Variants in PDE8B observed in about 807,000 individuals in gnomAD.
The protein encoded by PDE8B is high affinity cAMP-specific and IBMX-insensitive 3',5'-cyclic phosphodiesterase 8B.
In PDE8B, 26 loss-of-function variants were observed where a neutral mutation model predicts 101.3. That is an observed-to-expected ratio of 0.26 (90% CI 0.19 to 0.36). The LOEUF (loss-of-function observed/expected upper bound fraction) is 0.36. Among genes scored for constraint, PDE8B ranks in the 10% least tolerant of loss-of-function variants. The pLI, the probability that PDE8B is intolerant of heterozygous loss-of-function variation, is 1.00. For missense variants in PDE8B, 810 were observed against 1,163.1 expected (o/e 0.70, Z 4.42); for synonymous variants, 424 against 429.3 (o/e 0.99, Z 0.15).
At chr5:77,272,252 C>T (rs959671742) in intron 1 of PDE8B, among the ~76,000 whole-genome samples, 6 of 152,224 alleles carry the variant, frequency 3.9e-5, no homozygotes, top group Admixed American at 3.3e-4. Flanking sequence ...TATTAGTTCA[C>T]AGGTTATGGC....
At chr5:77,395,989 G>T (rs1581463395) in intron 10 of PDE8B, among the ~76,000 whole-genome samples, 1 of 152,228 alleles carries the variant, frequency 6.6e-6, no homozygotes, top group East Asian at 1.9e-4. Context: ...CCTCCCATGT[G>T]TCTGGATCAC....
At chr5:77,113,958 G>C in the PDE8B span, 1 of 152,282 alleles carries the variant, frequency 6.6e-6, no homozygotes, top group Non-Finnish European at 1.5e-5. Context: ...CAAAACCATA[G>C]TGAGATACCA....
chr5:77,285,092 G>T (rs561626631), intron 1 of PDE8B, among the ~76,000 whole-genome samples: 8 of 152,246 alleles, frequency 5.3e-5, no homozygotes, highest in Middle Eastern at 3.4e-3. Flanking sequence ...AAGTGTCCCA[G>T]TTTGGCTAAT....
Position 77,352,698 on chromosome 5 carries a change from T to C in PDE8B, c.1107-648T>C, listed in dbSNP as rs187165970. Among the ~76,000 whole-genome samples, 18 of 152,296 alleles carry C rather than the reference T, an allele frequency of 1.2e-4. No homozygotes were observed. In the South Asian group the frequency reaches 2.5e-3, roughly 21 times the overall value. On this transcript the variant is annotated intron_variant, in intron 9 of 21. Transcript: ENST00000264917. The stretch of plus-strand genomic sequence containing the variant: ...GGGCTTCTGGGGGCAAAAAACCTAA[T>C]GTAACTCTCTGGATTTCATGGTTTT...
chr5:77,249,247 C>T (rs557775761), intron 1 of PDE8B, among the ~76,000 whole-genome samples: 7 of 152,256 alleles, frequency 4.6e-5, no homozygotes, highest in African/African-American at 1.4e-4. Flanking sequence ...TTTTACAATA[C>T]GAAAAGCAGC....
At chr5:77,406,016 A>G (rs1455198267) in intron 12 of PDE8B, among the ~76,000 whole-genome samples, 2 of 152,122 alleles carry the variant, frequency 1.3e-5, no homozygotes, top group Non-Finnish European at 2.9e-5. Context: ...GCCAGGTGCG[A>G]TGGCTCATGC....
At chr5:77,385,359 CTCTT>C (rs1223292693) in intron 10 of PDE8B, among the ~76,000 whole-genome samples, 1 of 151,486 alleles carries the variant, frequency 6.6e-6, no homozygotes, top group Non-Finnish European at 1.5e-5. Flanking sequence ...TGATTCTTCT[CTCTT>C]TTCTTCTTTA....
intron 6 of PDE8B, among the ~76,000 whole-genome samples, chr5:77,338,956 G>A (rs1034863502): frequency 6.6e-6 from 1 of 152,200 alleles, no homozygotes; most frequent in East Asian, 1.9e-4. Context: ...AGATTCTGCA[G>A]TGCACATGGG....
chr5:77,132,540 T>A, the PDE8B span, among the ~76,000 whole-genome samples: 2 of 152,244 alleles, frequency 1.3e-5, no homozygotes, highest in Admixed American at 6.5e-5. Context: ...ATTTTACCTA[T>A]ACTTGGGTTT....
intron 17 of PDE8B, among the ~76,000 whole-genome samples, chr5:77,415,426 T>C (rs1389855114): frequency 1.3e-5 from 2 of 148,420 alleles, no homozygotes; most frequent in Non-Finnish European, 3.0e-5. Flanking sequence ...GGCATGATCT[T>C]GGCTCACTGC....
At chr5:77,265,434 T>TA (rs1761495578) in intron 1 of PDE8B, among the ~76,000 whole-genome samples, 1 of 152,242 alleles carries the variant, frequency 6.6e-6, no homozygotes, top group South Asian at 2.1e-4. Flanking sequence ...TCAGTGTCTT[T>TA]AGTATAACAA....
intron 1 of PDE8B, among the ~76,000 whole-genome samples, chr5:77,235,354 G>T (rs1035280301): frequency 1.3e-5 from 2 of 152,114 alleles, no homozygotes; most frequent in East Asian, 3.8e-4. Flanking sequence ...GCTGTAAAAC[G>T]TCCAGCATTT....
At position 77,415,014 on chromosome 5, in the gene PDE8B, A is replaced by G. The variant is rs185613206; in HGVS notation, c.1911+1705A>G. On this transcript the variant is annotated intron_variant, in intron 17 of 21. Coordinates refer to ENST00000264917, the MANE Select transcript of PDE8B (RefSeq NM_003719.5). ...GCTAGTGTATTTGGAGTCTGATTAG[A>G]TTTCTCAAATGACAGCAATAGAAAC... Among the ~76,000 whole-genome samples the G allele has an allele frequency of 2.9e-3, 442 of 152,346 alleles. 3 individuals carry two copies. Among genetic ancestry groups the G allele is most frequent in the Non-Finnish European group, 3.6e-3 (242 of 68,034 alleles).
At chr5:77,407,688 A>AAG (rs1470776985) in intron 13 of PDE8B, among the ~76,000 whole-genome samples, 2 of 152,208 alleles carry the variant, frequency 1.3e-5, no homozygotes, top group African/African-American at 4.8e-5. Flanking sequence ...AGTAGGTTGG[A>AAG]AGAGAGGGTG....
the PDE8B span, among the ~76,000 whole-genome samples, chr5:77,178,883 G>T: frequency 6.6e-6 from 1 of 152,218 alleles, no homozygotes; most frequent in African/African-American, 2.4e-5. Flanking sequence ...TCAGTTCCCT[G>T]CCGGGTGGGC....
chr5:77,148,483 A>C, the PDE8B span: 1 of 152,308 alleles, frequency 6.6e-6, no homozygotes, highest in South Asian at 2.1e-4. Flanking sequence ...GGGCCATTTT[A>C]CGTTCTTATC....
At chr5:77,391,471 G>A (rs572873590) in intron 10 of PDE8B, among the ~76,000 whole-genome samples, 1 of 152,326 alleles carries the variant, frequency 6.6e-6, no homozygotes, top group Admixed American at 6.5e-5. Flanking sequence ...AGCAAAGGCA[G>A]GTGAGCCAGT....
At chr5:77,378,023 C>CAG (rs1786558619) in intron 10 of PDE8B, among the ~76,000 whole-genome samples, 1 of 126,608 alleles carries the variant, frequency 7.9e-6, no homozygotes, top group African/African-American at 3.2e-5. Context: ...CACACACACA[C>CAG]ACACACACAC....
chr5:77,254,917 G>A (rs1300651461), intron 1 of PDE8B, among the ~76,000 whole-genome samples: 1 of 152,172 alleles, frequency 6.6e-6, no homozygotes, highest in Non-Finnish European at 1.5e-5. Context: ...ACCTTTTGGG[G>A]AGACAGGGAG....
Sources: allele counts gnomAD v4.1 joint callset (sites outside exome capture counted in the v4.1 genomes callset), GRCh38; gene constraint gnomAD v4.1.1; transcripts MANE v1.5; gene names NCBI Gene and HGNC (gene_info 2026-07-23, HGNC 2026-07-21).